BFAR: variants seen among roughly 807,000 people sequenced by gnomAD.
The protein encoded by BFAR is bifunctional apoptosis regulator.
BFAR carries 52 observed loss-of-function variants against 54.4 expected under a neutral mutation model. The ratio of observed to expected loss-of-function variants is 0.96; its 90% CI spans 0.77 to 1.21. The LOEUF is 1.21. Among genes scored for constraint, BFAR ranks in the 50% most tolerant of loss-of-function variants. BFAR has a pLI of 0.00. For synonymous variants in BFAR, 215 were observed against 204.3 expected (o/e 1.05, Z -0.45); for missense variants, 571 against 534.0 (o/e 1.07, Z -0.68).
intron 6 of BFAR, among the ~76,000 whole-genome samples, chr16:14,664,471 G>A (rs573653600): frequency 1.3e-5 from 2 of 151,524 alleles, no homozygotes; most frequent in Admixed American, 6.6e-5. Context: ...GTGTGTGTGT[G>A]TGTGGTAATC....
intron 6 of BFAR, among the ~76,000 whole-genome samples, chr16:14,663,061 T>C (rs1275973366): frequency 6.6e-6 from 1 of 152,216 alleles, no homozygotes; most frequent in Non-Finnish European, 1.5e-5. Context: ...AATCTATAGA[T>C]AACATAACTG....
intron 4 of BFAR, chr16:14,650,216 T>C (rs572319472): frequency 1.8e-5 from 6 of 336,856 alleles, no homozygotes; most frequent in Middle Eastern, 7.7e-4. Context: ...TGTAATCCCA[T>C]CTATTCGGGA....
At chr16:14,659,109 G>A (rs572295051) in intron 5 of BFAR, among the ~76,000 whole-genome samples, 16 of 151,822 alleles carry the variant, frequency 1.1e-4, no homozygotes, top group Non-Finnish European at 7.4e-5. Flanking sequence ...GGGTTTCACC[G>A]TGTTGGCCAG....
intron 4 of BFAR, among the ~76,000 whole-genome samples, chr16:14,652,314 C>T (rs1213779404): frequency 6.6e-6 from 1 of 151,414 alleles, no homozygotes; most frequent in African/African-American, 2.4e-5. Flanking sequence ...GAGTCTTACT[C>T]TGTCTCCCAG....
chr16:14,667,164 T>C (rs1470525155), intron 7 of BFAR, among the ~76,000 whole-genome samples: 2 of 151,200 alleles, frequency 1.3e-5, no homozygotes, highest in African/African-American at 2.4e-5. Context: ...TAGCGAGACC[T>C]TGTCCCTACT....
chr16:14,665,973 TC>T (rs1960430494), intron 7 of BFAR, among the ~76,000 whole-genome samples: 1 of 152,192 alleles, frequency 6.6e-6, no homozygotes, highest in African/African-American at 2.4e-5. Flanking sequence ...CCAAACGCTG[TC>T]ACCAGTACTG....
At chr16:14,654,493 CTTTTT>C (rs55673619) in intron 4 of BFAR, among the ~76,000 whole-genome samples, 2,236 of 89,088 alleles carry the variant, frequency 0.025, 12 homozygotes, top group Middle Eastern at 0.073. Context: ...GTGAGTTTTC[CTTTTT>C]TTTTTTTTTT....
At chr16:14,655,360 C>T (rs558143393) in intron 5 of BFAR, 150 bp downstream of exon 5, 5 of 762,498 alleles carry the variant, frequency 6.6e-6, no homozygotes, top group South Asian at 5.6e-5. Flanking sequence ...CCTTCTCTGT[C>T]GCCCAGGCTG....
chr16:14,635,879 C>G (rs1959418205), intron 1 of BFAR, among the ~76,000 whole-genome samples: 1 of 152,102 alleles, frequency 6.6e-6, no homozygotes, highest in South Asian at 2.1e-4. Context: ...ATCCACCCGC[C>G]TCGGCCTCCC....
chr16:14,652,082 T>A (rs1408985904), intron 4 of BFAR, among the ~76,000 whole-genome samples: 1 of 151,664 alleles, frequency 6.6e-6, no homozygotes, highest in Non-Finnish European at 1.5e-5. Flanking sequence ...AGATGGGGTT[T>A]TACCATGTTG....
intron 5 of BFAR, among the ~76,000 whole-genome samples, chr16:14,661,615 C>G (rs1352044391): frequency 6.6e-6 from 1 of 151,940 alleles, no homozygotes; most frequent in African/African-American, 2.4e-5. Flanking sequence ...GTTGGCCAGG[C>G]TGGTCTCAAA....
intron 4 of BFAR, among the ~76,000 whole-genome samples, chr16:14,654,580 T>C (rs189398759): frequency 6.8e-6 from 1 of 145,994 alleles, no homozygotes; most frequent in African/African-American, 2.5e-5. Flanking sequence ...AGATCTTAGC[T>C]CACTGCAACC....
intron 1 of BFAR, among the ~76,000 whole-genome samples, chr16:14,641,759 G>C (rs557895059): frequency 6.6e-6 from 1 of 151,856 alleles, no homozygotes; most frequent in African/African-American, 2.4e-5. Flanking sequence ...TACTTAGGAG[G>C]CTGAGGCAGG....
intron 7 of BFAR, chr16:14,667,365 T>G: frequency 2.2e-6 from 1 of 444,944 alleles, no homozygotes; most frequent in South Asian, 6.5e-5. Context: ...AATATGTAAA[T>G]GTAACAAAGT....
chr16:14,645,356 A>G (rs905084429), intron 2 of BFAR, among the ~76,000 whole-genome samples: 9 of 152,218 alleles, frequency 5.9e-5, no homozygotes, highest in African/African-American at 9.6e-5. Context: ...GTATAACTGT[A>G]TAATTGTGAA....
intron 1 of BFAR, among the ~76,000 whole-genome samples, chr16:14,635,925 G>C (rs1423393956): frequency 6.6e-6 from 1 of 152,044 alleles, no homozygotes; most frequent in East Asian, 1.9e-4. Flanking sequence ...CCACTGCCCC[G>C]GCCTAATGCT....
chr16:14,665,790 T>C (rs1960425435), intron 7 of BFAR, among the ~76,000 whole-genome samples: 1 of 152,210 alleles, frequency 6.6e-6, no homozygotes, highest in African/African-American at 2.4e-5. Flanking sequence ...TATGGCAGAT[T>C]AGCATCCAAT....
In BFAR at chr16:14,662,083, C is replaced by G. The variant is rs1447041944; in HGVS notation, c.957+18C>G. 7 of 1,613,426 alleles carry G rather than the reference C, an allele frequency of 4.3e-6. No individual in the cohort carries two copies. The highest frequency in any genetic ancestry group is 1.3e-5 in the African/African-American group (1 of 74,924). ...AGCTTCTGGTAGGTCTGCACAGTGC[C>G]TGGAATAAAGTTATTCCACTGTCAA... On this transcript the variant is annotated intron_variant, in intron 6 of 7. Coordinates refer to ENST00000261658, the MANE Select transcript of BFAR (RefSeq NM_016561.3).
Position 14,669,186 on chromosome 16 carries a change from C to A in BFAR, c.*1359C>A. On this transcript the variant is annotated 3_prime_UTR_variant, in exon 8 of 8. Coordinates refer to ENST00000261658, the MANE Select transcript of BFAR (RefSeq NM_016561.3). ...TACTCAAAAGTTGCATCTGGAAGTT[C>A]GAAGAAATTACTTGAAATAAAAATA... 1 of 315,148 alleles carries A rather than the reference C, an allele frequency of 3.2e-6. No homozygotes were observed. The highest frequency in any genetic ancestry group is 6.6e-6 in the Non-Finnish European group (1 of 151,506). The allele number at this position is 315,148 out of a possible 1,614,324, so 19.5% of individuals were successfully genotyped here. A position where few individuals can be genotyped will look rare whatever the true frequency, so the allele number is the denominator to read the frequency against.
Sources: gnomAD v4.1 joint callset for allele counts (sites outside exome capture counted in the v4.1 genomes callset) on GRCh38, gnomAD v4.1.1 for gene constraint, MANE v1.5 for transcripts, NCBI Gene and HGNC (gene_info 2026-07-23, HGNC 2026-07-21) for gene names.